Variants in AFTPH observed in about 807,000 individuals in gnomAD.
AFTPH encodes the protein aftiphilin protein.
AFTPH carries 7 observed loss-of-function variants against 72.5 expected under a neutral mutation model. That is an observed-to-expected ratio of 0.10 (90% CI 0.05 to 0.18). The LOEUF is 0.18. AFTPH is among the 10% of genes least tolerant of loss of function. The pLI, the probability that AFTPH is intolerant of heterozygous loss-of-function variation, is 1.00. For missense variants in AFTPH, 979 were observed against 1,060.5 expected, an observed-to-expected ratio of 0.92 and a Z score of 1.07; for synonymous variants, 337 against 370.1, an observed-to-expected ratio of 0.91 and a Z score of 1.03.
chr2:64,584,135 C>CT (rs1338868271), intron 7 of AFTPH, among the ~76,000 whole-genome samples: 2 of 151,860 alleles, frequency 1.3e-5, no homozygotes, highest in African/African-American at 4.8e-5. Context: ...AACTCATGAA[C>CT]TTTTTTTCTC....
chr2:64,579,762 G>A, intron 7 of AFTPH: 1 of 396,040 alleles, frequency 2.5e-6, no homozygotes, highest in East Asian at 3.7e-5. Flanking sequence ...ATAGTAGTTA[G>A]GTAAAATTTT....
chr2:64,553,080 A>G (rs1344113263), exon 2 of AFTPH: 1 of 1,614,192 alleles, frequency 6.2e-7, no homozygotes, highest in South Asian at 1.1e-5. Context: ...AGAAGGTGAG[A>G]TTGGACATTT....
chr2:64,546,074 G>A (rs1670595012), intron 1 of AFTPH, among the ~76,000 whole-genome samples: 1 of 151,746 alleles, frequency 6.6e-6, no homozygotes, highest in Non-Finnish European at 1.5e-5. Flanking sequence ...TGTATTTTTA[G>A]TAGAGATGGG....
Position 64,591,867 on chromosome 2 carries a change from CT to C in AFTPH, c.2580-11del. On this transcript the variant is annotated splice_polypyrimidine_tract_variant and intron_variant, in intron 8 of 8. Transcript: ENST00000238856. ...AGCAAAGTCACATTAACACACTTGT[CT>C]TTTTTTCATTTGTCAGTAGGAAACC... 1 of 1,612,832 alleles carries C rather than the reference CT, an allele frequency of 6.2e-7. No individual in the cohort carries two copies. The highest frequency in any genetic ancestry group is 1.1e-5 in the South Asian group (1 of 91,036).
At chr2:64,537,380 A>G (rs1235864045) in intron 1 of AFTPH, among the ~76,000 whole-genome samples, 2 of 152,214 alleles carry the variant, frequency 1.3e-5, no homozygotes, top group Non-Finnish European at 2.9e-5. Context: ...GTGACACTCA[A>G]TTTACCTATG....
chr2:64,552,038 G>C (rs868735786), exon 2 of AFTPH: 2 of 1,613,950 alleles, frequency 1.2e-6, no homozygotes, highest in Middle Eastern at 1.6e-4. Context: ...GGTTTGCAGT[G>C]TTGGAAACTG....
chr2:64,584,814 T>A (rs1673411086), intron 7 of AFTPH, among the ~76,000 whole-genome samples: 1 of 152,122 alleles, frequency 6.6e-6, no homozygotes, highest in Admixed American at 6.5e-5. Context: ...GCCAGGACGG[T>A]CTTGATCTCC....
chr2:64,560,415 A>G (rs954727049), intron 2 of AFTPH, among the ~76,000 whole-genome samples: 1 of 152,226 alleles, frequency 6.6e-6, no homozygotes, highest in African/African-American at 2.4e-5. Flanking sequence ...ATTCAAGGTA[A>G]TGAAGGACCC....
At chr2:64,545,835 G>A (rs556907641) in intron 1 of AFTPH, among the ~76,000 whole-genome samples, 2 of 152,050 alleles carry the variant, frequency 1.3e-5, no homozygotes, top group East Asian at 1.9e-4. Flanking sequence ...TCTGAATAGA[G>A]GATAAAATTG....
intron 1 of AFTPH, among the ~76,000 whole-genome samples, chr2:64,525,913 C>G (rs192266921): frequency 6.6e-6 from 1 of 152,308 alleles, no homozygotes; most frequent in East Asian, 1.9e-4. Flanking sequence ...TGTAAAACAT[C>G]TAGCCCAGTA....
chr2:64,584,217 G>A (rs907191206), intron 7 of AFTPH, among the ~76,000 whole-genome samples: 4 of 151,910 alleles, frequency 2.6e-5, no homozygotes, highest in Admixed American at 6.6e-5. Context: ...TATTCAAAGT[G>A]TAACTTAAGT....
At chr2:64,567,143 A>C (rs1378196767) in intron 2 of AFTPH, among the ~76,000 whole-genome samples, 6 of 152,164 alleles carry the variant, frequency 3.9e-5, no homozygotes, top group Admixed American at 3.9e-4. Context: ...AGAGTAGATG[A>C]GTGGTAGTAA....
intron 1 of AFTPH, among the ~76,000 whole-genome samples, chr2:64,528,695 A>G (rs535170907): frequency 1.3e-5 from 2 of 152,256 alleles, no homozygotes; most frequent in African/African-American, 4.8e-5. Flanking sequence ...GGAATAGTCA[A>G]GAAATTGTGG....
chr2:64,561,511 TACAAAAA>T (rs1335276873), intron 2 of AFTPH, among the ~76,000 whole-genome samples: 3 of 152,216 alleles, frequency 2.0e-5, no homozygotes, highest in East Asian at 1.9e-4. Flanking sequence ...ACGCCATCTC[TACAAAAA>T]ATAAAAAATA....
At chr2:64,565,260 G>A (rs755284161) in intron 2 of AFTPH, among the ~76,000 whole-genome samples, 2 of 151,836 alleles carry the variant, frequency 1.3e-5, no homozygotes, top group Non-Finnish European at 2.9e-5. Flanking sequence ...GGTGGATCAC[G>A]AGGTCAGGAG....
At chr2:64,576,612 A>C (rs1412195439) in intron 6 of AFTPH, among the ~76,000 whole-genome samples, 2 of 152,096 alleles carry the variant, frequency 1.3e-5, no homozygotes, top group South Asian at 2.1e-4. Context: ...CACTTTATTC[A>C]TTGCTGAGTA....
intron 2 of AFTPH, among the ~76,000 whole-genome samples, chr2:64,556,625 C>A (rs931807189): frequency 6.6e-6 from 1 of 152,130 alleles, no homozygotes; most frequent in African/African-American, 2.4e-5. Context: ...TTAGCACTTT[C>A]CTGTTTTTAG....
intron 2 of AFTPH, among the ~76,000 whole-genome samples, chr2:64,558,583 G>T (rs1671531077): frequency 6.6e-6 from 1 of 152,084 alleles, no homozygotes; most frequent in African/African-American, 2.4e-5. Flanking sequence ...TAAAATCAAG[G>T]GATAAACGTT....
intron 2 of AFTPH, among the ~76,000 whole-genome samples, chr2:64,554,842 T>C (rs1465678345): frequency 6.6e-6 from 1 of 152,222 alleles, no homozygotes; most frequent in Admixed American, 6.5e-5. Flanking sequence ...GAGGATAGGG[T>C]GACACTGGTA....
Sources: gnomAD v4.1 joint callset for allele counts (sites outside exome capture counted in the v4.1 genomes callset) on GRCh38, gnomAD v4.1.1 for gene constraint, MANE v1.5 for transcripts, NCBI Gene and HGNC (gene_info 2026-07-23, HGNC 2026-07-21) for gene names.